ZNF652: variants seen among roughly 807,000 people sequenced by gnomAD.
ZNF652 encodes zinc finger protein 652.
A neutral mutation model predicts 45.2 loss-of-function variants in ZNF652; 16 were observed. The ratio of observed to expected loss-of-function variants is 0.35; its 90% CI spans 0.24 to 0.54. The LOEUF (loss-of-function observed/expected upper bound fraction) is 0.54. ZNF652 is among the 20% of genes least tolerant of loss of function. ZNF652 has a pLI of 0.91. For missense variants in ZNF652, 614 were observed against 765.6 expected (o/e 0.80, Z 2.34); for synonymous variants, 250 against 260.6 (o/e 0.96, Z 0.39).
chr17:49,317,178 T>C lies in ZNF652; in HGVS notation c.548A>G (p.Glu183Gly). 6.2e-7 allele frequency: 1 copy of C among 1,613,812 alleles called. No individual in the cohort carries two copies. Among genetic ancestry groups the C allele is most frequent in the Non-Finnish European group, 8.5e-7 (1 of 1,180,020 alleles). Residue 183 changes from glutamate to glycine, a missense_variant, in exon 2 of 6, where the codon GAG (glutamate) becomes GGG (glycine). By Grantham distance (98) the Glu-to-Gly change is moderately conservative. This residue lies in a region of ZNF652 where 262 missense variants were observed against 306.3 expected (regional missense o/e 0.86). Coordinates refer to ENST00000430262, the MANE Select transcript of ZNF652 (RefSeq NM_001145365.3). ...TCTCCTTTGTGTAACGCTGACTTTCTCTACTATCTTCTCCTTTTTCTTCTG... is the reference window on the plus strand; with the variant it reads ...TCTCCTTTGTGTAACGCTGACTTTCCCTACTATCTTCTCCTTTTTCTTCTG... Reference protein sequence around the residue: ...EKQKKKEKIVEKVSVTQRRTR... With the variant: ...EKQKKKEKIVGKVSVTQRRTR...
Position 49,293,573 on chromosome 17 carries a change from C to A in ZNF652, c.*4840G>T, listed in dbSNP as rs1266768287. On this transcript the variant is annotated 3_prime_UTR_variant, in exon 6 of 6. Coordinates refer to ENST00000430262, the MANE Select transcript of ZNF652 (RefSeq NM_001145365.3). ...TCATCATTCTTTATTGTAAGTGCTA[C>A]AGATGACAAAAGCAGGTTAGCTAGG... Among the ~76,000 whole-genome samples, 2 of 140,652 alleles carry A rather than the reference C, an allele frequency of 1.4e-5. No homozygotes were observed. The highest frequency in any genetic ancestry group is 3.0e-5 in the Non-Finnish European group (2 of 66,246). 92.3% of individuals were successfully genotyped at this position (140,652 alleles called of 152,430 possible). A position where few individuals can be genotyped will look rare whatever the true frequency, so the allele number is the denominator to read the frequency against.
At chr17:49,313,801 CATCTCTACTAAAAATAAAAAA>C (rs1051945763) in intron 2 of ZNF652, among the ~76,000 whole-genome samples, 5 of 150,852 alleles carry the variant, frequency 3.3e-5, no homozygotes, top group Non-Finnish European at 7.4e-5. Flanking sequence ...GGAGAAACCC[CATCTCTACTAAAAATAAAAAA>C]ATTAGCCGGG....
intron 1 of ZNF652, among the ~76,000 whole-genome samples, chr17:49,348,809 T>TTCTGC (rs1376527816): frequency 2.7e-4 from 41 of 152,266 alleles, no homozygotes; most frequent in African/African-American, 9.9e-4. Context: ...CCTCCCAAAG[T>TTCTGC]TCTGGGATTA....
chr17:49,312,842 C>T lies in ZNF652; in HGVS notation c.904G>A (p.Val302Ile). 6.2e-7 allele frequency: 1 copy of T among 1,613,382 alleles called. No individual in the cohort carries two copies. Among genetic ancestry groups the T allele is most frequent in the Non-Finnish European group, 8.5e-7 (1 of 1,179,748 alleles). The change falls in exon 3 of 6, where the codon GTT (valine) becomes ATT (isoleucine). Residue 302 changes from valine to isoleucine, a missense_variant. Physicochemically the swap from Val to Ile is conservative, Grantham distance 29. This residue lies in a region of ZNF652 where 262 missense variants were observed against 306.3 expected (regional missense o/e 0.86). Transcript: ENST00000430262. ...TTCTTGAACGATTTGTTACAGGAAA[C>T]ACACTGAGCAGGATAAATAGAAATA... Reference protein sequence around the residue: ...QTDCEKNIQCVSCNKSFKKLW... With the variant: ...QTDCEKNIQCISCNKSFKKLW...
rs2069484594 is a variant in ZNF652 at position 49,296,893 on chromosome 17, T to C, written c.*1520A>G. The C allele has an allele frequency of 6.6e-6, 1 of 152,220 alleles. No homozygotes were observed. The highest frequency in any genetic ancestry group is 1.5e-5 in the Non-Finnish European group (1 of 68,044). 9.4% of individuals were successfully genotyped at this position (152,220 alleles called of 1,614,324 possible). On this transcript the variant is annotated 3_prime_UTR_variant, in exon 6 of 6. Coordinates refer to ENST00000430262, the MANE Select transcript of ZNF652 (RefSeq NM_001145365.3). Reference sequence around the variant, plus strand: ...AATACACTAGCCCTTCTGTTCAGCCTTTCCTATAATAAGCTCCTGGTTGAT... The same window carrying C: ...AATACACTAGCCCTTCTGTTCAGCCCTTCCTATAATAAGCTCCTGGTTGAT...
chr17:49,352,825 C>T (rs1314630520), intron 1 of ZNF652, among the ~76,000 whole-genome samples: 1 of 152,120 alleles, frequency 6.6e-6, no homozygotes, highest in Non-Finnish European at 1.5e-5. Flanking sequence ...TTGATAAACC[C>T]AAATACTTAG....
At chr17:49,347,376 G>C (rs1158946347) in intron 1 of ZNF652, among the ~76,000 whole-genome samples, 1 of 152,094 alleles carries the variant, frequency 6.6e-6, no homozygotes, top group Non-Finnish European at 1.5e-5. Context: ...ACTAGCCTGG[G>C]AAACATGGTG....
chr17:49,298,492 G>A lies in ZNF652; in HGVS notation c.1742C>T (p.Pro581Leu). 6.2e-7 allele frequency: 1 copy of A among 1,613,202 alleles called. No homozygotes were observed. The highest frequency in any genetic ancestry group is 8.5e-7 in the Non-Finnish European group (1 of 1,180,002). ...PPPPALFKSE[P>L]LNHRGQSEDN... ...CTCACTCTGGCCTCTATGATTTAAA[G>A]GCTCACTCTTAAAGAGAGCTGGAGG... The change falls in exon 6 of 6, where the codon CCT becomes CTT. Residue 581 changes from proline to leucine, a missense_variant. By Grantham distance (98) the Pro-to-Leu change is moderately conservative. This residue lies in a region of ZNF652 where 132 missense variants were observed against 137.2 expected (regional missense o/e 0.96). Transcript: ENST00000430262.
chr17:49,309,358 A>AG (rs2069677068), intron 5 of ZNF652, among the ~76,000 whole-genome samples: 1 of 120,274 alleles, frequency 8.3e-6, no homozygotes, highest in South Asian at 2.6e-4. Context: ...AAAAAAAAAA[A>AG]TTAGCCAGGC....
intron 1 of ZNF652, among the ~76,000 whole-genome samples, chr17:49,361,569 C>T (rs1277121642): frequency 2.0e-5 from 3 of 152,200 alleles, no homozygotes; most frequent in African/African-American, 7.2e-5. Flanking sequence ...CCGGTGCAAA[C>T]CTCCTCTCGG....
Position 49,295,309 on chromosome 17 carries a change from G to C in ZNF652, c.*3104C>G, listed in dbSNP as rs938575984. ...TTTTCCTGAAGACCACAAGTCTCAA[G>C]TCAAGGAAAGTATCCTTAATCTAGG... On this transcript the variant is annotated 3_prime_UTR_variant, in exon 6 of 6. Transcript: ENST00000430262. The C allele has an allele frequency of 2.0e-5, 3 of 151,618 alleles. No homozygotes were observed. Among genetic ancestry groups the C allele is most frequent in the Non-Finnish European group, 4.4e-5 (3 of 67,938 alleles). 9.4% of individuals were successfully genotyped at this position (151,618 alleles called of 1,614,324 possible). A position where few individuals can be genotyped will look rare whatever the true frequency, so the allele number is the denominator to read the frequency against.
chr17:49,315,875 A>C (rs1202731618), intron 2 of ZNF652, among the ~76,000 whole-genome samples: 1 of 152,246 alleles, frequency 6.6e-6, no homozygotes, highest in Non-Finnish European at 1.5e-5. Context: ...CAATGATCTC[A>C]GATGTTGATT....
intron 1 of ZNF652, among the ~76,000 whole-genome samples, chr17:49,350,975 A>G (rs981210286): frequency 0.29 from 5,328 of 18,548 alleles, 413 homozygotes; most frequent in African/African-American, 0.48. Context: ...GTCTACATAT[A>G]TATATATATA....
intron 1 of ZNF652, among the ~76,000 whole-genome samples, chr17:49,351,023 A>ATATATATG (rs1567700340): frequency 8.6e-5 from 7 of 81,796 alleles, no homozygotes; most frequent in Admixed American, 2.7e-4. Flanking sequence ...ATACACACAC[A>ATATATATG]CACACACACA....
intron 5 of ZNF652, among the ~76,000 whole-genome samples, chr17:49,306,631 G>T (rs2069632579): frequency 6.6e-6 from 1 of 152,070 alleles, no homozygotes; most frequent in South Asian, 2.1e-4. Flanking sequence ...TATGTGGAGG[G>T]CATTTCATAA....
At chr17:49,355,238 ATAAT>A (rs1294498896) in intron 1 of ZNF652, among the ~76,000 whole-genome samples, 1 of 152,050 alleles carries the variant, frequency 6.6e-6, no homozygotes, top group Non-Finnish European at 1.5e-5. Context: ...AAAACTTTTA[ATAAT>A]TAATTCACGA....
chr17:49,311,649 T>C (rs963626333), intron 4 of ZNF652, among the ~76,000 whole-genome samples, 193 bp from the exon 5 acceptor site: 18 of 152,240 alleles, frequency 1.2e-4, no homozygotes, highest in African/African-American at 3.9e-4. Flanking sequence ...AAAATTATCA[T>C]TGAAGTATAC....
chr17:49,327,273 C>T (rs1259786827), intron 1 of ZNF652, among the ~76,000 whole-genome samples: 2 of 152,016 alleles, frequency 1.3e-5, no homozygotes, highest in Middle Eastern at 3.2e-3. Context: ...AGCGATTCTC[C>T]TGCCTCAGCC....
chr17:49,331,498 G>T (rs930466736), intron 1 of ZNF652, among the ~76,000 whole-genome samples: 1 of 152,026 alleles, frequency 6.6e-6, no homozygotes, highest in African/African-American at 2.4e-5. Flanking sequence ...GTAAGTATAG[G>T]TACAGATGTT....
Sources: allele counts gnomAD v4.1 joint callset (sites outside exome capture counted in the v4.1 genomes callset), GRCh38; gene constraint gnomAD v4.1.1; regional missense constraint gnomAD v4.1.1; transcripts MANE v1.5; gene names NCBI Gene and HGNC (gene_info 2026-07-23, HGNC 2026-07-21).